DDC: variants seen among roughly 807,000 people sequenced by gnomAD.
The protein encoded by DDC is aromatic-L-amino-acid decarboxylase.
In DDC, 43 loss-of-function variants were observed where a neutral mutation model predicts 60.0. The observed-to-expected ratio is 0.72, with a 90% CI of 0.56 to 0.92. DDC has a LOEUF of 0.92. DDC is among the 40% of genes least tolerant of loss of function. DDC has a pLI of 0.00. For missense variants in DDC, 573 were observed against 620.2 expected (o/e 0.92, Z 0.81); for synonymous variants, 232 against 234.6 (o/e 0.99, Z 0.10).
chr7:50,492,636 G>C, intron 9 of DDC: 1 of 1,133,766 alleles, frequency 8.8e-7, no homozygotes, highest in South Asian at 2.2e-5. Context: ...AGACACCGCA[G>C]GCCTCTCTTG....
At position 50,528,201 on chromosome 7, in the gene DDC, A is replaced by AT; in HGVS notation, c.649dup (p.Met217AsnfsTer36). Reference sequence around the variant, plus strand: ...GGCTTCCTGCAGGGCAGACGCACGCATGGCGAAGTTGCCATCTGAGGGGAT... The same window carrying AT: ...GGCTTCCTGCAGGGCAGACGCACGCATTGGCGAAGTTGCCATCTGAGGGGAT... On this transcript the variant is annotated frameshift_variant, in exon 6 of 15. Coordinates refer to ENST00000444124, the MANE Select transcript of DDC (RefSeq NM_001082971.2). LOFTEE classifies it high-confidence loss of function. 6.2e-7 allele frequency: 1 copy of AT among 1,614,132 alleles called. No homozygotes were observed. Among genetic ancestry groups the AT allele is most frequent in the East Asian group, 2.2e-5 (1 of 44,882 alleles).
chr7:50,561,063 G>A lies in DDC; in HGVS notation c.-29+4222C>T, dbSNP rs539605396. ...CTGTCCTCTCTCTCTCCTCTCCACA[G>A]TGACAGTTAAGAGGCACAGAAGATG... On this transcript the variant is annotated intron_variant, in intron 1 of 14. Transcript: ENST00000444124. 3.3e-5 allele frequency: 5 copies of A among 152,274 alleles called. No homozygotes were observed. In the East Asian group the frequency reaches 9.7e-4, roughly 30 times the overall value. 9.4% of individuals were successfully genotyped at this position (152,274 alleles called of 1,614,324 possible). A position where few individuals can be genotyped will look rare whatever the true frequency, so the allele number is the denominator to read the frequency against.
intron 9 of DDC, among the ~76,000 whole-genome samples, chr7:50,494,448 G>A (rs948602271): frequency 2.6e-5 from 4 of 152,096 alleles, no homozygotes; most frequent in African/African-American, 7.2e-5. Context: ...AGCTTGCAGT[G>A]AGCCAAGATT....
At chr7:50,472,419 G>T (rs1454534644) in intron 11 of DDC, among the ~76,000 whole-genome samples, 1 of 152,050 alleles carries the variant, frequency 6.6e-6, no homozygotes, top group East Asian at 1.9e-4. Context: ...TCTATTTCCT[G>T]GTACTTTTTC....
intron 9 of DDC, among the ~76,000 whole-genome samples, chr7:50,485,796 C>T (rs1446863422): frequency 6.6e-6 from 1 of 152,176 alleles, no homozygotes; most frequent in African/African-American, 2.4e-5. Context: ...TAGAGATTCT[C>T]AGCCCTCACT....
chr7:50,563,688 G>T (rs542746959), intron 1 of DDC, among the ~76,000 whole-genome samples: 4 of 151,952 alleles, frequency 2.6e-5, no homozygotes, highest in African/African-American at 9.7e-5. Context: ...CGCAACCTCC[G>T]CCTCCCACGC....
In DDC at chr7:50,460,270, C is replaced by T. The variant is rs1482467082; in HGVS notation, c.*19-1427G>A. ...CCCTGGCCCAGCCTGCCGCCCCGTC[C>T]GGGAGGTGAGGGGCGCCTCTGCCCG... On this transcript the variant is annotated intron_variant, in intron 14 of 14. Transcript: ENST00000444124. 9.2e-5 allele frequency among the ~76,000 whole-genome samples: 13 copies of T among 141,580 alleles called. 1 individual carries two copies. Among genetic ancestry groups the T allele is most frequent in the South Asian group, 6.8e-4 (3 of 4,430 alleles). The allele number at this position is 141,580 out of a possible 152,430, so 92.9% of individuals were successfully genotyped here. A position where few individuals can be genotyped will look rare whatever the true frequency, so the allele number is the denominator to read the frequency against.
intron 9 of DDC, among the ~76,000 whole-genome samples, chr7:50,487,371 AGTAGT>A (rs2042908140): frequency 6.6e-6 from 1 of 152,184 alleles, no homozygotes; most frequent in Admixed American, 6.5e-5. Context: ...AATTAGGGTT[AGTAGT>A]GTATCGTAGG....
At chr7:50,551,831 C>T (rs905792489) in intron 1 of DDC, among the ~76,000 whole-genome samples, 1 of 152,122 alleles carries the variant, frequency 6.6e-6, no homozygotes, top group Non-Finnish European at 1.5e-5. Context: ...GGACTTGTAC[C>T]TGATGTGTGA....
chr7:50,497,449 A>G (rs2043150792), intron 8 of DDC, among the ~76,000 whole-genome samples: 2 of 152,200 alleles, frequency 1.3e-5, no homozygotes, highest in South Asian at 4.1e-4. Context: ...GTTAGAAAAG[A>G]GCATCAAGCT....
At chr7:50,462,429 T>A (rs1229580261) in intron 14 of DDC, among the ~76,000 whole-genome samples, 5 of 152,044 alleles carry the variant, frequency 3.3e-5, no homozygotes, top group Non-Finnish European at 7.4e-5. Flanking sequence ...CTGCATGCTG[T>A]CTCCAGGGTT....
chr7:50,559,428 CT>C (rs60591197), intron 1 of DDC, among the ~76,000 whole-genome samples: 63 of 143,280 alleles, frequency 4.4e-4, no homozygotes, highest in South Asian at 9.0e-4. Flanking sequence ...CAGAACATTT[CT>C]TTTTTTTTTT....
intron 9 of DDC, among the ~76,000 whole-genome samples, chr7:50,485,786 T>C (rs982036296): frequency 6.6e-6 from 1 of 152,078 alleles, no homozygotes; most frequent in Non-Finnish European, 1.5e-5. Context: ...AGCCTCTGAG[T>C]AGAGATTCTC....
intron 6 of DDC, among the ~76,000 whole-genome samples, chr7:50,506,126 TG>T (rs2043388486): frequency 6.6e-6 from 1 of 152,070 alleles, no homozygotes; most frequent in South Asian, 2.1e-4. Context: ...CAGTGGGCTC[TG>T]GGGTCGCATT....
At chr7:50,486,303 A>G (rs1421438192) in intron 9 of DDC, among the ~76,000 whole-genome samples, 1 of 152,216 alleles carries the variant, frequency 6.6e-6, no homozygotes, top group African/African-American at 2.4e-5. Flanking sequence ...GCATACTATC[A>G]GATACAGCAC....
At chr7:50,496,864 G>A (rs1373019072) in intron 8 of DDC, among the ~76,000 whole-genome samples, 1 of 152,178 alleles carries the variant, frequency 6.6e-6, no homozygotes, top group African/African-American at 2.4e-5. Context: ...GACCTGGGGG[G>A]CGTCCTGGGA....
At chr7:50,490,080 C>G (rs943538524) in intron 9 of DDC, among the ~76,000 whole-genome samples, 1 of 152,018 alleles carries the variant, frequency 6.6e-6, no homozygotes, top group Non-Finnish European at 1.5e-5. Context: ...ACAATGGCCT[C>G]TGTGTGATCC....
At chr7:50,511,938 G>A (rs891925204) in intron 6 of DDC, among the ~76,000 whole-genome samples, 1 of 151,922 alleles carries the variant, frequency 6.6e-6, no homozygotes, top group Non-Finnish European at 1.5e-5. Context: ...AATATCAATG[G>A]TCTAAATGCA....
At chr7:50,499,536 C>T (rs1252633401) in intron 7 of DDC, among the ~76,000 whole-genome samples, 2 of 152,176 alleles carry the variant, frequency 1.3e-5, no homozygotes, top group African/African-American at 2.4e-5. Flanking sequence ...GTGACAGCCT[C>T]ATGTTACTCA....
Sources: allele counts gnomAD v4.1 joint callset (sites outside exome capture counted in the v4.1 genomes callset), GRCh38; gene constraint gnomAD v4.1.1; transcripts MANE v1.5; gene names NCBI Gene and HGNC (gene_info 2026-07-23, HGNC 2026-07-21).